Variants in CHD6 observed in about 807,000 individuals in gnomAD.
CHD6 encodes the protein chromodomain helicase DNA binding protein 6, also known as ATP-dependent chromatin remodeler CHD6.
Under a neutral mutation model 276.9 loss-of-function variants are expected in CHD6, and 50 were observed. The observed-to-expected ratio is 0.18, with a 90% CI of 0.14 to 0.23. The LOEUF is 0.23. Ranked by LOEUF, CHD6 falls within the 10% of genes least tolerant of loss-of-function variation. The pLI, the probability that CHD6 is intolerant of heterozygous loss-of-function variation, is 1.00. For missense variants in CHD6, 2,564 were observed against 3,365.8 expected, an observed-to-expected ratio of 0.76 and a Z score of 5.89; for synonymous variants, 1,173 against 1,229.3, an observed-to-expected ratio of 0.95 and a Z score of 0.96.
intron 2 of CHD6, among the ~76,000 whole-genome samples, chr20:41,540,842 AAAT>A (rs1481785495): frequency 6.6e-6 from 1 of 152,210 alleles, no homozygotes; most frequent in African/African-American, 2.4e-5. Context: ...TTTAAAGTTC[AAAT>A]AATAAAAATG....
intron 1 of CHD6, among the ~76,000 whole-genome samples, chr20:41,605,143 A>G (rs968041193): frequency 2.0e-5 from 3 of 152,160 alleles, no homozygotes. Flanking sequence ...GTCACAAAAA[A>G]AGTCATATAT....
intron 5 of CHD6, 39 bp from the exon 6 acceptor site, chr20:41,499,396 C>T (rs1332030602): frequency 6.8e-7 from 1 of 1,474,332 alleles, no homozygotes; most frequent in African/African-American, 1.4e-5. Context: ...ATTGCTGGAA[C>T]CACAGAATCC....
At chr20:41,557,227 T>C (rs951396902) in intron 1 of CHD6, among the ~76,000 whole-genome samples, 6 of 152,206 alleles carry the variant, frequency 3.9e-5, no homozygotes, top group Non-Finnish European at 8.8e-5. Context: ...CCTTGCTGCA[T>C]TATGTATGAG....
chr20:41,468,922 G>A (rs912082189), intron 17 of CHD6, among the ~76,000 whole-genome samples: 2 of 152,160 alleles, frequency 1.3e-5, no homozygotes, highest in Non-Finnish European at 2.9e-5. Flanking sequence ...GCTGAGGTGG[G>A]TGGAGGCTGC....
In CHD6 at chr20:41,491,800, G is replaced by T. The variant is rs2043561718; in HGVS notation, c.1334C>A (p.Ser445Tyr). 1 of 1,613,884 alleles carries T rather than the reference G, an allele frequency of 6.2e-7. No individual in the cohort carries two copies. The highest frequency in any genetic ancestry group is 2.2e-5 in the East Asian group (1 of 44,862). ...GCGAGACTTCTCAAGTTTCTGCCAG[G>T]AGTCTGAAGCAGGCCGCTCCTAGGG... is the stretch of plus-strand genomic sequence containing the variant. ...IKHVERPASD[S>Y]WQKLEKSREY... Residue 445 changes from serine (S) to tyrosine (Y), a missense_variant, in exon 11 of 37, where the codon TCC becomes TAC. Ser to Tyr is a moderately radical substitution (Grantham distance 144). Transcript: ENST00000373233.
chr20:41,498,801 GTA>G (rs1282968076), intron 6 of CHD6, among the ~76,000 whole-genome samples: 145 of 83,292 alleles, frequency 1.7e-3, no homozygotes, highest in African/African-American at 9.8e-3. Flanking sequence ...ATGTATGTAT[GTA>G]TGTATGTATG....
intron 3 of CHD6, among the ~76,000 whole-genome samples, chr20:41,532,707 A>G (rs559325024): frequency 3.7e-4 from 56 of 152,210 alleles, no homozygotes; most frequent in Non-Finnish European, 7.9e-4. Flanking sequence ...TAGGGGGTAC[A>G]TCTACACAGC....
chr20:41,557,526 A>G (rs2045254318), intron 1 of CHD6, among the ~76,000 whole-genome samples: 1 of 152,192 alleles, frequency 6.6e-6, no homozygotes, highest in Non-Finnish European at 1.5e-5. Context: ...AAATAACAAA[A>G]AAATCAGGTT....
intron 17 of CHD6, among the ~76,000 whole-genome samples, chr20:41,466,614 A>G (rs997380981): frequency 6.6e-6 from 1 of 152,210 alleles, no homozygotes; most frequent in African/African-American, 2.4e-5. Flanking sequence ...GACCTTCAAG[A>G]TAGTAATCTT....
At position 41,429,135 on chromosome 20, in the gene CHD6, C is replaced by T. The variant is rs145072062; in HGVS notation, c.4069-2982G>A. Among the ~76,000 whole-genome samples, 5 of 152,240 alleles carry T rather than the reference C, an allele frequency of 3.3e-5. No homozygotes were observed. In the East Asian group the frequency reaches 5.8e-4, roughly 18 times the overall value. On this transcript the variant is annotated intron_variant, in intron 27 of 36. Transcript: ENST00000373233. ...CTACGGTAGGAACTGTGGCACAGCA[C>T]GGACATGCATGCTTTTGACAGCATA... is the stretch of plus-strand genomic sequence containing the variant.
At chr20:41,588,873 T>C (rs2045624827) in intron 1 of CHD6, among the ~76,000 whole-genome samples, 1 of 152,078 alleles carries the variant, frequency 6.6e-6, no homozygotes, top group Non-Finnish European at 1.5e-5. Context: ...AAAAGGTGAT[T>C]GGGGGGATTC....
intron 15 of CHD6, among the ~76,000 whole-genome samples, chr20:41,484,027 A>G (rs773060190): frequency 5.9e-5 from 9 of 152,186 alleles, no homozygotes; most frequent in Non-Finnish European, 1.3e-4. Flanking sequence ...CCCTGTCCCC[A>G]AGTAGAAAGT....
At chr20:41,515,871 G>C (rs1473905936) in intron 3 of CHD6, among the ~76,000 whole-genome samples, 2 of 152,188 alleles carry the variant, frequency 1.3e-5, no homozygotes, top group Non-Finnish European at 2.9e-5. Context: ...TTTATGCATA[G>C]TAAGTATTCA....
At chr20:41,491,562 G>A in intron 11 of CHD6, 136 bp downstream of exon 11, 3 of 878,096 alleles carry the variant, frequency 3.4e-6, no homozygotes, top group South Asian at 1.6e-5. Context: ...GATGATTAAT[G>A]TGCAAAGACT....
intron 1 of CHD6, among the ~76,000 whole-genome samples, chr20:41,595,885 CA>C (rs955628179): frequency 3.9e-5 from 6 of 152,046 alleles, no homozygotes; most frequent in African/African-American, 1.4e-4. Flanking sequence ...TCCTGTCTCC[CA>C]GGAGGAAATA....
rs1601011074 is a variant in CHD6 at position 41,497,733 on chromosome 20, G to T, written c.975-232C>A. On this transcript the variant is annotated intron_variant, in intron 7 of 36. Coordinates refer to ENST00000373233, the MANE Select transcript of CHD6 (RefSeq NM_032221.5). Reference sequence around the variant, plus strand: ...CTCTCTGCAGCTTCTAGAGAAACTGGCTGAGAACAGAGGCAGGGCAGCTGT... The same window carrying T: ...CTCTCTGCAGCTTCTAGAGAAACTGTCTGAGAACAGAGGCAGGGCAGCTGT... 19 of 537,756 alleles carry T rather than the reference G, an allele frequency of 3.5e-5. No individual in the cohort carries two copies. In the East Asian group the frequency reaches 5.1e-4, roughly 14 times the overall value. The allele number at this position is 537,756 out of a possible 1,614,324, so 33.3% of individuals were successfully genotyped here.
intron 1 of CHD6, among the ~76,000 whole-genome samples, chr20:41,607,164 A>T (rs1380159675): frequency 5.3e-5 from 8 of 152,170 alleles, no homozygotes. Context: ...CACATTTCTT[A>T]TGCATAAAAG....
chr20:41,520,629 A>T lies in CHD6; in HGVS notation c.555-5677T>A, dbSNP rs551490054. Among the ~76,000 whole-genome samples, 147 of 136,232 alleles carry T rather than the reference A, an allele frequency of 1.1e-3. 1 individual carries two copies. The highest frequency in any genetic ancestry group is 1.0e-3 in the South Asian group (4 of 3,888). 89.4% of individuals were successfully genotyped at this position (136,232 alleles called of 152,430 possible). On this transcript the variant is annotated intron_variant, in intron 3 of 36. Coordinates refer to ENST00000373233, the MANE Select transcript of CHD6 (RefSeq NM_032221.5). ...GGTGGGAACTGAACAATGAGAACAC[A>T]TGGACACAGGAAGGGGAACATCACA...
intron 5 of CHD6, among the ~76,000 whole-genome samples, chr20:41,509,181 G>A (rs983055589): frequency 3.3e-5 from 5 of 152,096 alleles, no homozygotes; most frequent in Admixed American, 6.6e-5. Context: ...TGAATAAGTG[G>A]TGCAACGATC....
Sources: gnomAD v4.1 joint callset for allele counts (sites outside exome capture counted in the v4.1 genomes callset) on GRCh38, gnomAD v4.1.1 for gene constraint, MANE v1.5 for transcripts, NCBI Gene and HGNC (gene_info 2026-07-23, HGNC 2026-07-21) for gene names.